Variants in ZFHX3 observed in about 807,000 individuals in gnomAD.
ZFHX3 encodes zinc finger homeobox 3.
ZFHX3 carries 42 observed loss-of-function variants against 279.1 expected under a neutral mutation model. The observed-to-expected ratio is 0.15, with a 90% CI of 0.12 to 0.19. ZFHX3 has a LOEUF of 0.19. Among genes scored for constraint, ZFHX3 ranks in the 10% least tolerant of loss-of-function variants. The probability of loss-of-function intolerance (pLI) is 1.00; values close to 1 mark genes in which losing one functional copy is unlikely to be tolerated. For synonymous variants in ZFHX3, 2,293 were observed against 1,957.8 expected, an observed-to-expected ratio of 1.17 and a Z score of -4.52; for missense variants, 4,981 against 4,754.0, an observed-to-expected ratio of 1.05 and a Z score of -1.40.
At chr16:73,424,935 T>C (rs16971945) in intron 3 of ZFHX3, among the ~76,000 whole-genome samples, 83,550 of 151,914 alleles carry the variant, frequency 0.55, 25,409 homozygotes, top group Non-Finnish European at 0.71. Context: ...TGGACTTTCT[T>C]ATCTGGAGCT....
chr16:73,152,370 T>C (rs1240571327), intron 5 of ZFHX3, among the ~76,000 whole-genome samples: 1 of 152,184 alleles, frequency 6.6e-6, no homozygotes, highest in Non-Finnish European at 1.5e-5. Flanking sequence ...TTTTCCATTG[T>C]CAATGTTTAA....
chr16:73,718,847 C>A (rs773938249), intron 1 of ZFHX3, among the ~76,000 whole-genome samples: 6 of 152,074 alleles, frequency 3.9e-5, no homozygotes, highest in Admixed American at 3.9e-4. Flanking sequence ...AACTCCTGAC[C>A]TCGTGATCTG....
chr16:73,521,535 C>T (rs943324355), intron 2 of ZFHX3, among the ~76,000 whole-genome samples: 5 of 152,100 alleles, frequency 3.3e-5, no homozygotes, highest in African/African-American at 1.2e-4. Flanking sequence ...CTGTCTCACA[C>T]TGACTCTCAT....
chr16:73,135,575 G>A (rs576308649), intron 6 of ZFHX3, among the ~76,000 whole-genome samples: 2 of 152,182 alleles, frequency 1.3e-5, no homozygotes, highest in Non-Finnish European at 2.9e-5. Flanking sequence ...GCAAACTTAT[G>A]ACCTATGAAC....
chr16:73,753,026 G>A (rs1453159657), intron 1 of ZFHX3, among the ~76,000 whole-genome samples: 1 of 152,170 alleles, frequency 6.6e-6, no homozygotes, highest in Non-Finnish European at 1.5e-5. Flanking sequence ...TTGTGGACCT[G>A]TGCATTTTTG....
chr16:72,801,624 G>A (rs528580737), intron 7 of ZFHX3, among the ~76,000 whole-genome samples: 8 of 152,284 alleles, frequency 5.3e-5, no homozygotes, highest in Admixed American at 6.5e-5. Flanking sequence ...CTGTGTTTAC[G>A]AAGAGCAGGT....
chr16:73,037,402 G>A (rs1489353184), intron 1 of ZFHX3, among the ~76,000 whole-genome samples: 4 of 152,142 alleles, frequency 2.6e-5, no homozygotes, highest in Middle Eastern at 3.2e-3. Flanking sequence ...CTCATCTGTC[G>A]TCTAGAAAAA....
At chr16:73,634,433 A>ATT (rs1197229737) in intron 2 of ZFHX3, among the ~76,000 whole-genome samples, 163 of 59,900 alleles carry the variant, frequency 2.7e-3, no homozygotes, top group African/African-American at 4.8e-3. Flanking sequence ...TATTATGTAT[A>ATT]ATATATATAT....
intron 2 of ZFHX3, chr16:73,504,825 G>C (rs2019297537): frequency 6.6e-6 from 1 of 152,292 alleles, no homozygotes; most frequent in African/African-American, 2.4e-5. Flanking sequence ...GGGGGCGGTG[G>C]GGAGTGGAGG....
intron 1 of ZFHX3, among the ~76,000 whole-genome samples, chr16:73,698,716 G>C (rs541403691): frequency 6.6e-6 from 1 of 152,104 alleles, no homozygotes; most frequent in African/African-American, 2.4e-5. Context: ...AACTGTCAAG[G>C]TCATGGAAGT....
chr16:73,017,804 C>T (rs930035150), intron 1 of ZFHX3, among the ~76,000 whole-genome samples: 4 of 152,264 alleles, frequency 2.6e-5, no homozygotes, highest in Middle Eastern at 3.4e-3. Flanking sequence ...AAGCAGCAAA[C>T]CAAACAGGCT....
At chr16:72,937,038 G>A (rs1477327287) in intron 3 of ZFHX3, among the ~76,000 whole-genome samples, 1 of 152,194 alleles carries the variant, frequency 6.6e-6, no homozygotes, top group African/African-American at 2.4e-5. Flanking sequence ...TTAAGCAAAT[G>A]ATATGCTGGA....
intron 8 of ZFHX3, among the ~76,000 whole-genome samples, chr16:73,075,538 G>A (rs1965878073): frequency 6.6e-6 from 1 of 152,088 alleles, no homozygotes; most frequent in Non-Finnish European, 1.5e-5. Flanking sequence ...AAGCCTAAAT[G>A]TCAGAGACAT....
chr16:72,939,828 T>C (rs1220395490), intron 3 of ZFHX3, among the ~76,000 whole-genome samples: 5 of 152,146 alleles, frequency 3.3e-5, no homozygotes, highest in Admixed American at 1.3e-4. Context: ...GCAGAGGTTG[T>C]GTGCAGTGCT....
chr16:73,862,233 G>C (rs545039493), intron 1 of ZFHX3, among the ~76,000 whole-genome samples: 2 of 152,172 alleles, frequency 1.3e-5, no homozygotes, highest in Non-Finnish European at 2.9e-5. Context: ...TCTAGGTTCC[G>C]TCCTGGAAGC....
chr16:73,778,236 T>TTAAAA (rs1959326486), intron 1 of ZFHX3, among the ~76,000 whole-genome samples: 2 of 58,706 alleles, frequency 3.4e-5, no homozygotes, highest in African/African-American at 7.9e-5. Flanking sequence ...GAAGGAGTGT[T>TTAAAA]AAAAAAAAAA....
chr16:73,300,779 C>T (rs1025279222), intron 4 of ZFHX3, among the ~76,000 whole-genome samples: 1 of 152,240 alleles, frequency 6.6e-6, no homozygotes, highest in African/African-American at 2.4e-5. Flanking sequence ...GTTGGGATTA[C>T]AGGCATGAGC....
chr16:73,153,587 G>A (rs956747391), intron 5 of ZFHX3, among the ~76,000 whole-genome samples: 31 of 152,132 alleles, frequency 2.0e-4, no homozygotes, highest in African/African-American at 7.2e-4. Context: ...TCACCATTAC[G>A]GGCTTTAATT....
intron 1 of ZFHX3, among the ~76,000 whole-genome samples, chr16:73,785,736 C>T (rs1368887779): frequency 6.6e-6 from 1 of 152,146 alleles, no homozygotes; most frequent in Non-Finnish European, 1.5e-5. Flanking sequence ...TTCTCATTTC[C>T]AGAGCTTCTA....
Sources: gnomAD v4.1 joint callset for allele counts (sites outside exome capture counted in the v4.1 genomes callset) on GRCh38, gnomAD v4.1.1 for gene constraint, MANE v1.5 for transcripts, NCBI Gene and HGNC (gene_info 2026-07-23, HGNC 2026-07-21) for gene names.